OTUD5: variants seen among roughly 807,000 people sequenced by gnomAD.
The protein encoded by OTUD5 is OTU deubiquitinase 5, also known as OTU domain-containing protein 5.
OTUD5 carries 2 observed loss-of-function variants against 36.3 expected under a neutral mutation model. The observed-to-expected ratio is 0.06, with a 90% CI of 0.02 to 0.17. The LOEUF (loss-of-function observed/expected upper bound fraction) is 0.17, where lower values mean the gene tolerates loss of function less well. Among genes scored for constraint, OTUD5 ranks in the 10% least tolerant of loss-of-function variants. OTUD5 has a pLI of 1.00. For synonymous variants in OTUD5, 234 were observed against 214.9 expected (o/e 1.09, Z -0.78); for missense variants, 233 against 512.3 (o/e 0.45, Z 5.26).
At chrX:48,938,023 CA>C (rs1453751684) in intron 2 of OTUD5, among the ~76,000 whole-genome samples, 2 of 112,156 alleles carry the variant, frequency 1.8e-5, no homozygotes, top group Admixed American at 1.9e-4. Context: ...AAAACTTCAG[CA>C]GTTAAATTAA....
chrX:48,945,363 C>T (rs2064008081), intron 1 of OTUD5, among the ~76,000 whole-genome samples: 2 of 106,173 alleles, frequency 1.9e-5, no homozygotes, highest in Non-Finnish European at 3.9e-5. Context: ...CTCTGCCTCC[C>T]GGGTTCATGC....
Position 48,933,081 on chromosome X carries a change from G to A in OTUD5, c.1059+1383C>T, listed in dbSNP as rs905501809. 2.7e-5 allele frequency among the ~76,000 whole-genome samples: 3 copies of A among 112,009 alleles called. No individual in the cohort carries two copies. In the Admixed American group the frequency reaches 2.9e-4, roughly 11 times the overall value. On this transcript the variant is annotated intron_variant, in intron 5 of 8. Transcript: ENST00000376488. The stretch of plus-strand genomic sequence containing the variant: ...AGTGTTAAGTGAAAAAAGCCAGTCT[G>A]AAAAAGCTACATACTGTACATTTCC...
intron 5 of OTUD5, among the ~76,000 whole-genome samples, chrX:48,933,252 T>A: frequency 9.0e-6 from 1 of 110,953 alleles, no homozygotes; most frequent in Non-Finnish European, 1.9e-5. Context: ...CTGGATGGGA[T>A]CCTGGAACAG....
At position 48,926,150 on chromosome X, in the gene OTUD5, A is replaced by G. The variant is rs185442730; in HGVS notation, c.1060-100T>C. On this transcript the variant is annotated intron_variant, in intron 5 of 8. Coordinates refer to ENST00000376488, the MANE Select transcript of OTUD5 (RefSeq NM_001136157.2). ...GGTAGGCCCACAGGCCCCAGAAAAA[A>G]AAGGAGACAGGAAAGCAGGTACTCC... 3 of 612,039 alleles carry G rather than the reference A, an allele frequency of 4.9e-6. No homozygotes were observed. The East Asian group carries it at 1.0e-4, about 20-fold the overall frequency. The allele number at this position is 612,039 out of a possible 1,213,427, so 50.4% of individuals were successfully genotyped here.
At position 48,924,086 on chromosome X, in the gene OTUD5, C is replaced by A. The variant is rs781805534; in HGVS notation, c.1264-34G>T. The A allele has an allele frequency of 7.9e-6, 9 of 1,141,944 alleles. No individual in the cohort carries two copies. The Admixed American group carries it at 2.0e-4, about 26-fold the overall frequency. The allele number at this position is 1,141,944 out of a possible 1,213,427, so 94.1% of individuals were successfully genotyped here. Reference sequence around the variant, plus strand: ...GGGAAGGTAAATGCGTTAAGGACCACCAGCAGCCATGACCTTCTTGTGACC... The same window carrying A: ...GGGAAGGTAAATGCGTTAAGGACCAACAGCAGCCATGACCTTCTTGTGACC... On this transcript the variant is annotated intron_variant, in intron 6 of 8. Coordinates refer to ENST00000376488, the MANE Select transcript of OTUD5 (RefSeq NM_001136157.2).
chrX:48,935,045 TA>T (rs1472454381), intron 2 of OTUD5, 27 bp from the exon 3 acceptor site: 1 of 1,174,494 alleles, frequency 8.5e-7, no homozygotes, highest in East Asian at 3.0e-5. Flanking sequence ...AAGCAGCAGC[TA>T]GGGTCAGAGA....
At chrX:48,948,454 G>C (rs1396828601) in intron 1 of OTUD5, among the ~76,000 whole-genome samples, 1 of 112,516 alleles carries the variant, frequency 8.9e-6, no homozygotes, top group East Asian at 2.8e-4. Context: ...GAGGCAACAG[G>C]GAAGGCCCCC....
At chrX:48,956,891 G>T in intron 1 of OTUD5, 86 bp downstream of exon 1, 4 of 976,801 alleles carry the variant, frequency 4.1e-6, no homozygotes, top group Non-Finnish European at 5.3e-6. Context: ...CCCTTGGGGC[G>T]ATCTCAAACA....
intron 6 of OTUD5, 42 bp from the exon 7 acceptor site, chrX:48,924,094 C>T: frequency 8.9e-7 from 1 of 1,124,493 alleles, no homozygotes; most frequent in Admixed American, 2.6e-5. Flanking sequence ...CACCAGCAGC[C>T]ATGACCTTCT....
chrX:48,924,869 C>T (rs782513482), intron 6 of OTUD5, among the ~76,000 whole-genome samples: 1 of 112,161 alleles, frequency 8.9e-6, no homozygotes, highest in Non-Finnish European at 1.9e-5. Flanking sequence ...TTTCACTCTG[C>T]AAAACTGTGA....
chrX:48,923,618 A>T lies in OTUD5; in HGVS notation c.1579+15T>A, dbSNP rs782524616. The T allele has an allele frequency of 7.1e-5, 81 of 1,135,016 alleles. No homozygotes were observed. The highest frequency in any genetic ancestry group is 9.7e-5 in the Non-Finnish European group (81 of 832,189). The allele number at this position is 1,135,016 out of a possible 1,213,427, so 93.5% of individuals were successfully genotyped here. On this transcript the variant is annotated intron_variant, in intron 8 of 8. Coordinates refer to ENST00000376488, the MANE Select transcript of OTUD5 (RefSeq NM_001136157.2). ...CTCCTAGCAGCCTCCATCCCCCCAG[A>T]CAAAGGAGGCTTACCAAAGGCAGAG...
chrX:48,954,712 T>C (rs1394572086), intron 1 of OTUD5, among the ~76,000 whole-genome samples: 3 of 111,293 alleles, frequency 2.7e-5, no homozygotes, highest in East Asian at 5.7e-4. Flanking sequence ...CCCAAACCCC[T>C]TTCCTGTCCC....
intron 1 of OTUD5, among the ~76,000 whole-genome samples, chrX:48,949,872 G>A (rs1256456482): frequency 7.3e-5 from 8 of 110,002 alleles, no homozygotes; most frequent in African/African-American, 2.7e-4. Context: ...GAAAAGCCCG[G>A]GCACAGTGGC....
At chrX:48,956,703 A>G (rs2064248594) in intron 1 of OTUD5, among the ~76,000 whole-genome samples, 1 of 110,920 alleles carries the variant, frequency 9.0e-6, no homozygotes, top group Non-Finnish European at 1.9e-5. Context: ...TATTGGCCCT[A>G]TATGATGAGG....
At chrX:48,952,467 A>G (rs2064164727) in intron 1 of OTUD5, among the ~76,000 whole-genome samples, 1 of 112,638 alleles carries the variant, frequency 8.9e-6, no homozygotes, top group Non-Finnish European at 1.9e-5. Context: ...AGTATGGTAC[A>G]TGAATTACAT....
intron 1 of OTUD5, among the ~76,000 whole-genome samples, chrX:48,949,920 G>A (rs1231728893): frequency 9.1e-6 from 1 of 110,287 alleles, no homozygotes; most frequent in Non-Finnish European, 1.9e-5. Flanking sequence ...AGGCCGAGGC[G>A]GGTGGATCAA....
chrX:48,946,458 G>T (rs1557052439), intron 1 of OTUD5, among the ~76,000 whole-genome samples: 3 of 111,728 alleles, frequency 2.7e-5, no homozygotes. Context: ...AGGAGGGGAG[G>T]AAGAGGTGAC....
intron 1 of OTUD5, among the ~76,000 whole-genome samples, chrX:48,948,423 A>C (rs1259941410): frequency 1.8e-5 from 2 of 112,605 alleles, no homozygotes; most frequent in Non-Finnish European, 3.8e-5. Flanking sequence ...TGGAGTTTGG[A>C]TACCAGCAAA....
chrX:48,922,759 G>C lies in OTUD5; in HGVS notation c.*415C>G, dbSNP rs1158330398. The C allele has an allele frequency of 6.5e-6, 5 of 763,372 alleles. No individual in the cohort carries two copies. In the African/African-American group the frequency reaches 9.2e-5, roughly 14 times the overall value. The allele number at this position is 763,372 out of a possible 1,213,427, so 62.9% of individuals were successfully genotyped here. A position where few individuals can be genotyped will look rare whatever the true frequency, so the allele number is the denominator to read the frequency against. On this transcript the variant is annotated 3_prime_UTR_variant, in exon 9 of 9. Coordinates refer to ENST00000376488, the MANE Select transcript of OTUD5 (RefSeq NM_001136157.2). ...CCACCTCCCTGGCATCAGTGTCGGG[G>C]GGTGGCGGCAAGTTTTTCTCATCTT...
Sources: gnomAD v4.1 joint callset for allele counts (sites outside exome capture counted in the v4.1 genomes callset) on GRCh38, gnomAD v4.1.1 for gene constraint, MANE v1.5 for transcripts, NCBI Gene and HGNC (gene_info 2026-07-23, HGNC 2026-07-21) for gene names.